Variants in STAU2 observed in about 807,000 individuals in gnomAD.
STAU2 encodes double-stranded RNA-binding protein Staufen homolog 2.
Under a neutral mutation model 65.9 loss-of-function variants are expected in STAU2, and 20 were observed. The observed-to-expected ratio is 0.30, with a 90% CI of 0.21 to 0.44. STAU2 has a LOEUF of 0.44. STAU2 is among the 20% of genes least tolerant of loss of function. STAU2 has a pLI of 1.00. For missense variants in STAU2, 558 were observed against 683.9 expected (o/e 0.82, Z 2.05); for synonymous variants, 232 against 233.9 (o/e 0.99, Z 0.07).
At chr8:73,667,356 T>C (rs1162994263) in intron 6 of STAU2, among the ~76,000 whole-genome samples, 1 of 152,166 alleles carries the variant, frequency 6.6e-6, no homozygotes, top group Non-Finnish European at 1.5e-5. Context: ...CCAAACCTCG[T>C]GGCATGGACA....
chr8:73,673,401 C>A (rs576548565), intron 5 of STAU2, among the ~76,000 whole-genome samples, 159 bp from the exon 6 acceptor site: 15 of 152,186 alleles, frequency 9.9e-5, no homozygotes, highest in African/African-American at 3.6e-4. Flanking sequence ...AAGTAAAAAA[C>A]CAAGAAAATA....
chr8:73,437,452 T>G (rs943585231), intron 13 of STAU2, among the ~76,000 whole-genome samples: 1 of 152,032 alleles, frequency 6.6e-6, no homozygotes, highest in African/African-American at 2.4e-5. Context: ...CACTAGAATC[T>G]GGAAAGGCAA....
chr8:73,647,096 G>A (rs1216215807), intron 6 of STAU2, among the ~76,000 whole-genome samples: 9 of 152,152 alleles, frequency 5.9e-5, no homozygotes, highest in Non-Finnish European at 1.5e-5. Context: ...TGTGGAGGAT[G>A]AGAAGAAACT....
At chr8:73,591,003 C>T (rs1810733816) in intron 11 of STAU2, 1 of 151,834 alleles carries the variant, frequency 6.6e-6, no homozygotes, top group African/African-American at 2.4e-5. Flanking sequence ...TACAGATCTG[C>T]TAAAATAAGT....
intron 12 of STAU2, among the ~76,000 whole-genome samples, chr8:73,552,777 T>G (rs549286163): frequency 6.6e-6 from 1 of 152,184 alleles, no homozygotes; most frequent in Non-Finnish European, 1.5e-5. Flanking sequence ...TACAAACGCA[T>G]GTATTCAACA....
intron 13 of STAU2, among the ~76,000 whole-genome samples, chr8:73,465,040 C>T (rs1249216870): frequency 6.6e-6 from 1 of 152,250 alleles, no homozygotes. Flanking sequence ...ATTCTCTGTA[C>T]TCTTGCTGAG....
chr8:73,518,905 A>G (rs769358722), intron 13 of STAU2, among the ~76,000 whole-genome samples: 1 of 152,186 alleles, frequency 6.6e-6, no homozygotes, highest in Non-Finnish European at 1.5e-5. Flanking sequence ...TCAAGGGACA[A>G]GTTTCGGAGG....
rs1197072356 is a variant in STAU2, at chr8:73,420,655, T to G, written c.*717A>C. 1 of 164,924 alleles carries G rather than the reference T, an allele frequency of 6.1e-6. No homozygotes were observed. Among genetic ancestry groups the G allele is most frequent in the Non-Finnish European group, 1.3e-5 (1 of 74,864 alleles). 10.2% of individuals were successfully genotyped at this position (164,924 alleles called of 1,614,324 possible). A position where few individuals can be genotyped will look rare whatever the true frequency, so the allele number is the denominator to read the frequency against. ...TGATATATAGGGGCAAGACGCCCCC[T>G]TACTTGCTAAGAGTATATGGAGCTC... On this transcript the variant is annotated 3_prime_UTR_variant, in exon 15 of 15. Coordinates refer to ENST00000524300, the MANE Select transcript of STAU2 (RefSeq NM_001164380.2).
At chr8:73,667,674 A>T (rs10089381) in intron 6 of STAU2, among the ~76,000 whole-genome samples, 9,806 of 152,184 alleles carry the variant, frequency 0.064, 347 homozygotes, top group Middle Eastern at 0.14. Context: ...TTCCTCTTCT[A>T]CTAAACTTAA....
At position 73,617,231 on chromosome 8, in the gene STAU2, C is replaced by T. The variant is rs553105744; in HGVS notation, c.570+61G>A. 5 of 1,564,410 alleles carry T rather than the reference C, an allele frequency of 3.2e-6. No individual in the cohort carries two copies. The African/African-American group carries it at 5.5e-5, about 17-fold the overall frequency. ...GATTATTTATTTTAATTATAAAATG[C>T]TCTGATTTGTTTCACTGGGAAAGTA... is the stretch of plus-strand genomic sequence containing the variant. On this transcript the variant is annotated intron_variant, in intron 7 of 14. Transcript: ENST00000524300.
At chr8:73,697,731 A>C (rs1314225201) in intron 4 of STAU2, among the ~76,000 whole-genome samples, 1 of 152,174 alleles carries the variant, frequency 6.6e-6, no homozygotes, top group Admixed American at 6.5e-5. Context: ...TCTTTTTGCA[A>C]GTTTGTTTCT....
chr8:73,521,563 T>G (rs1746423337), intron 13 of STAU2, among the ~76,000 whole-genome samples: 1 of 152,214 alleles, frequency 6.6e-6, no homozygotes, highest in Admixed American at 6.5e-5. Flanking sequence ...CTTACAATGA[T>G]TCAACTTATG....
chr8:73,562,477 T>TA (rs1808304133), intron 12 of STAU2, among the ~76,000 whole-genome samples: 1 of 152,114 alleles, frequency 6.6e-6, no homozygotes, highest in Non-Finnish European at 1.5e-5. Context: ...ACTGTCTCTT[T>TA]AAAAAAGATA....
At chr8:73,559,248 T>C (rs1808012513) in intron 12 of STAU2, among the ~76,000 whole-genome samples, 1 of 152,212 alleles carries the variant, frequency 6.6e-6, no homozygotes, top group Admixed American at 6.5e-5. Flanking sequence ...CTATCATTAT[T>C]ACACTTTTAA....
chr8:73,645,994 G>A (rs1815346139), intron 6 of STAU2, among the ~76,000 whole-genome samples: 1 of 152,008 alleles, frequency 6.6e-6, no homozygotes. Flanking sequence ...GATTTGTGTG[G>A]GGACACAGAT....
intron 12 of STAU2, among the ~76,000 whole-genome samples, chr8:73,554,324 G>GACC (rs1306432295): frequency 1.3e-5 from 2 of 152,206 alleles, no homozygotes; most frequent in African/African-American, 2.4e-5. Context: ...TGGTTACAGT[G>GACC]ACCACCACCA....
chr8:73,597,575 CAGG>C (rs1811288015), intron 10 of STAU2, among the ~76,000 whole-genome samples: 1 of 143,264 alleles, frequency 7.0e-6, no homozygotes, highest in Admixed American at 7.3e-5. Context: ...AAGGCTGATG[CAGG>C]AGAATTGCCT....
At chr8:73,706,585 T>C (rs1820518904) in intron 4 of STAU2, among the ~76,000 whole-genome samples, 1 of 152,232 alleles carries the variant, frequency 6.6e-6, no homozygotes, top group African/African-American at 2.4e-5. Flanking sequence ...CAATTAGGAT[T>C]AATATTAACT....
At chr8:73,621,951 C>CTTTTTT (rs751349117) in intron 6 of STAU2, among the ~76,000 whole-genome samples, 1 of 129,900 alleles carries the variant, frequency 7.7e-6, no homozygotes, top group African/African-American at 2.9e-5. Context: ...GTCTTTCTCT[C>CTTTTTT]TTTTTTTTTT....
Sources: allele counts gnomAD v4.1 joint callset (sites outside exome capture counted in the v4.1 genomes callset), GRCh38; gene constraint gnomAD v4.1.1; transcripts MANE v1.5; gene names NCBI Gene and HGNC (gene_info 2026-07-23, HGNC 2026-07-21).